KCND2: variants seen among roughly 807,000 people sequenced by gnomAD.
The protein encoded by KCND2 is A-type voltage-gated potassium channel KCND2.
A neutral mutation model predicts 54.4 loss-of-function variants in KCND2; 16 were observed. The ratio of observed to expected loss-of-function variants is 0.29; its 90% confidence interval spans 0.20 to 0.45. The LOEUF is 0.45. KCND2 is among the 20% of genes least tolerant of loss of function. The probability of loss-of-function intolerance (pLI) is 1.00; values close to 1 mark genes in which losing one functional copy is unlikely to be tolerated. For synonymous variants in KCND2, 317 were observed against 310.7 expected, an observed-to-expected ratio of 1.02 and a Z score of -0.21; for missense variants, 486 against 824.2, an observed-to-expected ratio of 0.59 and a Z score of 5.02.
At chr7:120,316,981 G>T (rs1028102429) in intron 1 of KCND2, among the ~76,000 whole-genome samples, 1 of 151,884 alleles carries the variant, frequency 6.6e-6, no homozygotes, top group South Asian at 2.1e-4. Context: ...GACTATAGGC[G>T]CATTCAACGA....
In KCND2 at chr7:120,748,706, G is replaced by T. The variant is rs1045667260; in HGVS notation, c.*848G>T. The T allele has an allele frequency of 1.3e-5, 2 of 152,254 alleles. No individual in the cohort carries two copies. The highest frequency in any genetic ancestry group is 2.9e-5 in the Non-Finnish European group (2 of 67,856). 9.4% of individuals were successfully genotyped at this position (152,254 alleles called of 1,614,324 possible). A position where few individuals can be genotyped will look rare whatever the true frequency, so the allele number is the denominator to read the frequency against. On this transcript the variant is annotated 3_prime_UTR_variant, in exon 6 of 6. Coordinates refer to ENST00000331113, the MANE Select transcript of KCND2 (RefSeq NM_012281.3). The stretch of plus-strand genomic sequence containing the variant: ...AGCCACATTCGTAGAAAAACTTCTG[G>T]TGTGGCCAGGTTTTAGGTAACTTTT...
chr7:120,602,546 C>A (rs530848154), intron 1 of KCND2, among the ~76,000 whole-genome samples: 2 of 152,280 alleles, frequency 1.3e-5, no homozygotes, highest in Non-Finnish European at 2.9e-5. Flanking sequence ...AGGACACCCC[C>A]TTTCAACTAC....
chr7:120,399,370 A>G (rs1206631391), intron 1 of KCND2, among the ~76,000 whole-genome samples: 1 of 151,172 alleles, frequency 6.6e-6, no homozygotes, highest in Non-Finnish European at 1.5e-5. Context: ...AAAAAAACAT[A>G]GAGAAAAAAA....
chr7:120,711,767 C>T (rs1283225041), intron 1 of KCND2, among the ~76,000 whole-genome samples: 3 of 152,086 alleles, frequency 2.0e-5, no homozygotes, highest in Non-Finnish European at 4.4e-5. Flanking sequence ...TGAGCAACAG[C>T]AGTTCAAAAA....
intron 1 of KCND2, among the ~76,000 whole-genome samples, chr7:120,563,312 A>G (rs1248654558): frequency 1.3e-5 from 2 of 152,190 alleles, no homozygotes; most frequent in East Asian, 1.9e-4. Context: ...TGTATTTTCT[A>G]TCTCAGATTG....
rs75278568 is a variant in KCND2, at chr7:120,708,204, A to G, written c.1116-24699A>G. Among the ~76,000 whole-genome samples, 862 of 152,286 alleles carry G rather than the reference A, an allele frequency of 5.7e-3. 6 individuals are homozygous for G. Among genetic ancestry groups the G allele is most frequent in the African/African-American group, 0.02 (823 of 41,588 alleles). On this transcript the variant is annotated intron_variant, in intron 1 of 5. Transcript: ENST00000331113. ...GGAAGACAAAAAAGAAATACCTTCA[A>G]TAGCTTTCTTTGAAATGCTGTTGTA... is the stretch of plus-strand genomic sequence containing the variant.
chr7:120,635,215 G>A (rs561623852), intron 1 of KCND2, among the ~76,000 whole-genome samples: 1 of 152,262 alleles, frequency 6.6e-6, no homozygotes, highest in East Asian at 1.9e-4. Context: ...CTGATATGTA[G>A]CAGGTCATCC....
chr7:120,315,622 C>T (rs1306909484), intron 1 of KCND2, among the ~76,000 whole-genome samples: 1 of 152,046 alleles, frequency 6.6e-6, no homozygotes, highest in Non-Finnish European at 1.5e-5. Flanking sequence ...ATGGGATAGT[C>T]CCTAAAGCCC....
intron 1 of KCND2, among the ~76,000 whole-genome samples, chr7:120,612,872 C>G (rs1181506393): frequency 6.6e-6 from 1 of 152,116 alleles, no homozygotes; most frequent in African/African-American, 2.4e-5. Flanking sequence ...AATTAAATTG[C>G]TATTGATTAA....
intron 1 of KCND2, among the ~76,000 whole-genome samples, chr7:120,369,764 T>C (rs1275766535): frequency 6.6e-6 from 1 of 152,034 alleles, no homozygotes; most frequent in Non-Finnish European, 1.5e-5. Context: ...AGTTTGTTCA[T>C]TCACTCAGAC....
intron 1 of KCND2, among the ~76,000 whole-genome samples, chr7:120,423,821 A>G (rs1318173125): frequency 6.6e-6 from 1 of 152,158 alleles, no homozygotes; most frequent in Non-Finnish European, 1.5e-5. Flanking sequence ...TTGGCTTTCT[A>G]TCCAAGCCAA....
intron 1 of KCND2, among the ~76,000 whole-genome samples, chr7:120,464,266 C>A (rs568664148): frequency 2.6e-5 from 4 of 151,438 alleles, no homozygotes; most frequent in Non-Finnish European, 5.9e-5. Flanking sequence ...AGATCCAAGA[C>A]AATAAGATGA....
chr7:120,357,109 C>G (rs1474933229), intron 1 of KCND2, among the ~76,000 whole-genome samples: 1 of 151,756 alleles, frequency 6.6e-6, no homozygotes, highest in East Asian at 1.9e-4. Flanking sequence ...AATTTTTTTT[C>G]ACTAATTTAT....
intron 1 of KCND2, among the ~76,000 whole-genome samples, chr7:120,309,025 G>A (rs1799688965): frequency 6.6e-6 from 1 of 152,080 alleles, no homozygotes; most frequent in Non-Finnish European, 1.5e-5. Context: ...AAATATATGG[G>A]CAGTGGCAAA....
At chr7:120,354,338 A>G (rs1008156401) in intron 1 of KCND2, among the ~76,000 whole-genome samples, 1 of 152,168 alleles carries the variant, frequency 6.6e-6, no homozygotes, top group East Asian at 1.9e-4. Context: ...ATATAATGAA[A>G]CTTGTCAACA....
chr7:120,391,786 G>GT (rs1279739999), intron 1 of KCND2, among the ~76,000 whole-genome samples: 2 of 151,738 alleles, frequency 1.3e-5, no homozygotes, highest in African/African-American at 4.8e-5. Context: ...TTGTAAATTT[G>GT]TTTAAGTTTT....
At chr7:120,398,414 C>T (rs1166188069) in intron 1 of KCND2, among the ~76,000 whole-genome samples, 2 of 151,946 alleles carry the variant, frequency 1.3e-5, no homozygotes, top group Non-Finnish European at 2.9e-5. Flanking sequence ...ATACAAAGAC[C>T]AGTAGGCCAT....
intron 1 of KCND2, among the ~76,000 whole-genome samples, chr7:120,688,488 C>T (rs1055151974): frequency 7.2e-5 from 11 of 152,296 alleles, no homozygotes; most frequent in Non-Finnish European, 8.8e-5. Context: ...ACTTCACCCA[C>T]GGTCTGACCT....
intron 4 of KCND2, among the ~76,000 whole-genome samples, chr7:120,744,404 A>G (rs2116185378): frequency 6.6e-6 from 1 of 152,172 alleles, no homozygotes; most frequent in East Asian, 1.9e-4. Flanking sequence ...GTATGTAGTA[A>G]CTAATAACAG....
Sources: allele counts gnomAD v4.1 joint callset (sites outside exome capture counted in the v4.1 genomes callset), GRCh38; gene constraint gnomAD v4.1.1; transcripts MANE v1.5; gene names NCBI Gene and HGNC (gene_info 2026-07-23, HGNC 2026-07-21).